The following RAB34 variants were observed in gnomAD, a reference collection of about 807,000 sequenced individuals.
The protein encoded by RAB34 is RAB34, member RAS oncogene family.
RAB34 carries 33 observed loss-of-function variants against 39.0 expected under a neutral mutation model. That is an observed-to-expected ratio of 0.85 (90% CI 0.64 to 1.13). The LOEUF (loss-of-function observed/expected upper bound fraction) is 1.13. RAB34 is among the 50% of genes most tolerant of loss of function. The pLI is 0.00. For synonymous variants in RAB34, 135 were observed against 125.1 expected (o/e 1.08, Z -0.53); for missense variants, 289 against 326.1 (o/e 0.89, Z 0.88).
chr17:28,717,615 T>C lies in RAB34; in HGVS notation c.-349A>G. On this transcript the variant is annotated 5_prime_UTR_variant, in exon 1 of 10. Coordinates refer to ENST00000395245, the MANE Select transcript of RAB34 (RefSeq NM_031934.6). ...GACCCTACGATTACGCGGGGCCGGA[T>C]AGTTCCTACGATTACGCGGGGCCGG... is the stretch of plus-strand genomic sequence containing the variant. 7.2e-7 allele frequency: 1 copy of C among 1,390,510 alleles called. No individual in the cohort carries two copies. Among genetic ancestry groups the C allele is most frequent in the Non-Finnish European group, 9.3e-7 (1 of 1,077,686 alleles). 86.1% of individuals were successfully genotyped at this position (1,390,510 alleles called of 1,614,324 possible). A position where few individuals can be genotyped will look rare whatever the true frequency, so the allele number is the denominator to read the frequency against.
chr17:28,714,918 T>C lies in RAB34; in HGVS notation c.605-18A>G. 2 of 1,610,290 alleles carry C rather than the reference T, an allele frequency of 1.2e-6. No homozygotes were observed. The highest frequency in any genetic ancestry group is 2.2e-5 in the South Asian group (2 of 90,964). Reference sequence around the variant, plus strand: ...ATTCTCACCTGACACAGAGAGCAGATAGGTGCTCAGGGGCAGTGCTGGGTC... The same window carrying C: ...ATTCTCACCTGACACAGAGAGCAGACAGGTGCTCAGGGGCAGTGCTGGGTC... On this transcript the variant is annotated intron_variant, in intron 8 of 9. Transcript: ENST00000395245.
Position 28,717,755 on chromosome 17 carries a change from G to T in RAB34, c.-489C>A. ...GGAGCGGCCCCGCCACACGGGGTCA[G>T]TGTGGGCAGGGGCGGCGCTGCCAAG... On this transcript the variant is annotated 5_prime_UTR_variant, in exon 1 of 10. The change creates a new upstream start codon in the 5' untranslated region. Coordinates refer to ENST00000395245, the MANE Select transcript of RAB34 (RefSeq NM_031934.6). 7.5e-7 allele frequency: 1 copy of T among 1,338,692 alleles called. No individual in the cohort carries two copies. The highest frequency in any genetic ancestry group is 9.5e-7 in the Non-Finnish European group (1 of 1,051,020). The allele number at this position is 1,338,692 out of a possible 1,614,324, so 82.9% of individuals were successfully genotyped here. A position where few individuals can be genotyped will look rare whatever the true frequency, so the allele number is the denominator to read the frequency against.
chr17:28,716,768 G>A, intron 2 of RAB34, 135 bp downstream of exon 2: 1 of 1,016,630 alleles, frequency 9.8e-7, no homozygotes, highest in Non-Finnish European at 1.4e-6. Flanking sequence ...GGGATACAGG[G>A]GCTTAAAGAG....
At chr17:28,717,882 G>A, upstream of RAB34, 1 of 1,359,946 alleles carries the variant, frequency 7.4e-7, no homozygotes, top group Non-Finnish European at 9.4e-7. Context: ...ACGATCCCCG[G>A]AAATTCCTGG....
At position 28,717,290 on chromosome 17, in the gene RAB34, C is replaced by G; in HGVS notation, c.-24G>C. ...ATCCTGCCTGCGGCCTTGCAGGGCG[C>G]CCTGAGAAGGCGCCGAGGCCGGATC... is the stretch of plus-strand genomic sequence containing the variant. On this transcript the variant is annotated 5_prime_UTR_variant, in exon 1 of 10. Transcript: ENST00000395245. 1.3e-6 allele frequency: 2 copies of G among 1,587,230 alleles called. No homozygotes were observed. The highest frequency in any genetic ancestry group is 1.7e-6 in the Non-Finnish European group (2 of 1,170,272).
chr17:28,716,000 T>G lies in RAB34; in HGVS notation c.205A>C (p.Ile69Leu), dbSNP rs778888217. 4 of 1,613,990 alleles carry G rather than the reference T, an allele frequency of 2.5e-6. No individual in the cohort carries two copies. The South Asian group carries it at 4.4e-5, about 18-fold the overall frequency. The change falls in exon 3 of 10, where the codon ATT (isoleucine) becomes CTT (leucine). Residue 69 changes from isoleucine (I) to leucine (L), a missense_variant. Transcript: ENST00000395245. ...GDLSVGKTCL[I>L]NRFCKDTFDK... The stretch of plus-strand genomic sequence containing the variant: ...GCTCCAGCACCCCCTTACCTATTAA[T>G]GAGGCAAGTCTTCCCCACCGACAGG...
In RAB34 at chr17:28,717,515, A is replaced by G. The variant is rs1008406728; in HGVS notation, c.-249T>C. The G allele has an allele frequency of 1.4e-6, 2 of 1,421,768 alleles. No homozygotes were observed. 88.1% of individuals were successfully genotyped at this position (1,421,768 alleles called of 1,614,324 possible). ...CCGGGCCCTGGGCGTCCCGAAGATG[A>G]CTCTGGGGCGAGGAGACTCTTCGGC... On this transcript the variant is annotated 5_prime_UTR_variant, in exon 1 of 10. Transcript: ENST00000395245.
At position 28,715,907 on chromosome 17, in the gene RAB34, A is replaced by G. The variant is rs2151704730; in HGVS notation, c.213-6T>C. ...CAAAGGTGTCTTTGCAGAACCTGAG[A>G]GGGTACCAGATGCTGTGATCTGGAG... is the stretch of plus-strand genomic sequence containing the variant. On this transcript the variant is annotated splice_region_variant and splice_polypyrimidine_tract_variant and intron_variant, in intron 3 of 9. Transcript: ENST00000395245. 3 of 1,613,470 alleles carry G rather than the reference A, an allele frequency of 1.9e-6. No homozygotes were observed.
At chr17:28,716,776 G>A in intron 2 of RAB34, 127 bp downstream of exon 2, 1 of 1,106,918 alleles carries the variant, frequency 9.0e-7, no homozygotes, top group Non-Finnish European at 1.3e-6. Context: ...GGGGCTTAAA[G>A]AGGGGGAAAT....
In RAB34 at chr17:28,716,930, C is replaced by G; in HGVS notation, c.119G>C (p.Cys40Ser). 6.2e-7 allele frequency: 1 copy of G among 1,613,404 alleles called. No homozygotes were observed. Among genetic ancestry groups the G allele is most frequent in the African/African-American group, 1.3e-5 (1 of 75,042 alleles). ...KDFHPRVTCACQEHRTGTVGF... is the reference protein window; with the variant it reads ...KDFHPRVTCASQEHRTGTVGF... ...CACGGTGCCTGTCCGGTGCTCCTGGCAGGCGCAGGTGACGCGGGGGTGGAA... is the reference window on the plus strand; with the variant it reads ...CACGGTGCCTGTCCGGTGCTCCTGGGAGGCGCAGGTGACGCGGGGGTGGAA... The change falls in exon 2 of 10, where the codon TGC (cysteine) becomes TCC (serine). Residue 40 changes from cysteine (C) to serine (S), a missense_variant. Cys to Ser is a moderately radical substitution (Grantham distance 112). Coordinates refer to ENST00000395245, the MANE Select transcript of RAB34 (RefSeq NM_031934.6).
At chr17:28,718,267 T>A, upstream of RAB34, 5 of 1,547,228 alleles carry the variant, frequency 3.2e-6, no homozygotes, top group Non-Finnish European at 3.5e-6. Flanking sequence ...AGGTGACTCA[T>A]AGAGTCTGCC....
In RAB34 at chr17:28,717,805, G is replaced by A. The variant is rs2033794229; in HGVS notation, c.-539C>T. 1.4e-5 allele frequency: 19 copies of A among 1,325,534 alleles called. No individual in the cohort carries two copies. Among genetic ancestry groups the A allele is most frequent in the Non-Finnish European group, 1.8e-5 (19 of 1,043,966 alleles). 82.1% of individuals were successfully genotyped at this position (1,325,534 alleles called of 1,614,324 possible). ...GGCCCGCAGGCCGCTGGAGGAGGGG[G>A]CGAGGGGCCCAGTCCGGCTACAGGG... On this transcript the variant is annotated 5_prime_UTR_variant, in exon 1 of 10. Coordinates refer to ENST00000395245, the MANE Select transcript of RAB34 (RefSeq NM_031934.6).
chr17:28,718,251 C>T, upstream of RAB34: 1 of 1,561,890 alleles, frequency 6.4e-7, no homozygotes. Context: ...CAACTCCAGG[C>T]CTGGGAGGTG....
intron 3 of RAB34, 37 bp from the exon 4 acceptor site, chr17:28,715,938 C>T (rs1425547615): frequency 1.7e-5 from 27 of 1,611,038 alleles, no homozygotes; most frequent in Non-Finnish European, 2.3e-5. Context: ...TGGAGCCAGC[C>T]CACCTGGCTA....
At position 28,715,439 on chromosome 17, in the gene RAB34, G is replaced by T. The variant is rs764621238; in HGVS notation, c.431+17C>A. The stretch of plus-strand genomic sequence containing the variant: ...TCTTCCCGGAGCCTCCCATTATATT[G>T]CAGGATGCTCACTTACTTGGTATGT... On this transcript the variant is annotated intron_variant, in intron 6 of 9. Transcript: ENST00000395245. 1.2e-6 allele frequency: 2 copies of T among 1,613,370 alleles called. No homozygotes were observed. Among genetic ancestry groups the T allele is most frequent in the Non-Finnish European group, 1.7e-6 (2 of 1,179,718 alleles).
chr17:28,718,363 T>A, upstream of RAB34: 4 of 1,015,976 alleles, frequency 3.9e-6, no homozygotes, highest in Admixed American at 8.9e-5. Flanking sequence ...TAGAATGAGG[T>A]GCCCACCGAG....
At chr17:28,714,984 A>C in intron 8 of RAB34, 48 bp downstream of exon 8, 2 of 1,600,948 alleles carry the variant, frequency 1.2e-6, no homozygotes, top group Non-Finnish European at 1.7e-6. Context: ...CAGTGAGAGG[A>C]GAGCCAGGCA....
intron 2 of RAB34, 147 bp downstream of exon 2, chr17:28,716,756 A>T: frequency 1.1e-6 from 1 of 885,308 alleles, no homozygotes; most frequent in Non-Finnish European, 1.6e-6. Context: ...GGAGAAAAGG[A>T]GGGGATACAG....
In RAB34 at chr17:28,716,031, C is replaced by G; in HGVS notation, c.174G>C (p.Val58=). 1 of 1,614,056 alleles carries G rather than the reference C, an allele frequency of 6.2e-7. No homozygotes were observed. Among genetic ancestry groups the G allele is most frequent in the South Asian group, 1.1e-5 (1 of 91,076 alleles). The change falls in exon 3 of 10, where the codon GTG becomes GTC. Residue 58 remains valine, a synonymous_variant. Coordinates refer to ENST00000395245, the MANE Select transcript of RAB34 (RefSeq NM_031934.6). ...VGFKISKVIV[V]GDLSVGKTCL... Reference sequence around the variant, plus strand: ...AAGTCTTCCCCACCGACAGGTCCCCCACCACAATGACCTTGGAGATCTTAA... The same window carrying G: ...AAGTCTTCCCCACCGACAGGTCCCCGACCACAATGACCTTGGAGATCTTAA...
Sources: gnomAD v4.1 joint callset for allele counts on GRCh38, gnomAD v4.1.1 for gene constraint, MANE v1.5 for transcripts, NCBI Gene and HGNC (gene_info 2026-07-23, HGNC 2026-07-21) for gene names.